The following PIEZO2 variants were observed in gnomAD, a reference collection of about 807,000 sequenced individuals.
PIEZO2 encodes the protein piezo-type mechanosensitive ion channel component 2.
PIEZO2 carries 172 observed loss-of-function variants against 337.3 expected under a neutral mutation model. That is an observed-to-expected ratio of 0.51 (90% CI 0.45 to 0.58). The LOEUF is 0.58. PIEZO2 is among the 20% of genes least tolerant of loss of function. The probability of loss-of-function intolerance (pLI) is 0.00; values close to 1 mark genes in which losing one functional copy is unlikely to be tolerated. For missense variants in PIEZO2, 3,028 were observed against 3,391.3 expected, an observed-to-expected ratio of 0.89 and a Z score of 2.66; for synonymous variants, 1,251 against 1,228.5, an observed-to-expected ratio of 1.02 and a Z score of -0.38.
chr18:10,905,872 C>T (rs2043163438), intron 4 of PIEZO2, among the ~76,000 whole-genome samples: 1 of 152,124 alleles, frequency 6.6e-6, no homozygotes, highest in South Asian at 2.1e-4. Context: ...CAGGCATTGC[C>T]CACGGCACCA....
At chr18:10,926,233 G>A (rs1181609673) in intron 3 of PIEZO2, among the ~76,000 whole-genome samples, 1 of 152,222 alleles carries the variant, frequency 6.6e-6, no homozygotes, top group African/African-American at 2.4e-5. Context: ...GGGTGTGCTG[G>A]AGGCGGTGGC....
intron 3 of PIEZO2, among the ~76,000 whole-genome samples, chr18:10,970,174 T>C (rs1447689882): frequency 6.6e-6 from 1 of 152,194 alleles, no homozygotes; most frequent in Non-Finnish European, 1.5e-5. Context: ...ACTCGGGTTA[T>C]CTGGAGGAAG....
intron 4 of PIEZO2, among the ~76,000 whole-genome samples, chr18:10,910,483 T>C (rs968895830): frequency 6.6e-6 from 1 of 152,010 alleles, no homozygotes; most frequent in African/African-American, 2.4e-5. Context: ...CTTGGGAGGC[T>C]GAGGCAAGAC....
rs969793067 is a variant in PIEZO2, at chr18:10,973,562, C to A, written c.286+5973G>T. On this transcript the variant is annotated intron_variant, in intron 3 of 55. Coordinates refer to ENST00000674853, the MANE Select transcript of PIEZO2 (RefSeq NM_001378183.1). This position sits in a 1 kb window ranked among gnomAD's most constrained non-coding sequence, Gnocchi z 4.9. ...ATAAATTAGACAATGGATTCCTAAT[C>A]TTTTGATGCACAGGTGGCCAGAAGT... Among the ~76,000 whole-genome samples, 1 of 152,218 alleles carries A rather than the reference C, an allele frequency of 6.6e-6. No individual in the cohort carries two copies. Among genetic ancestry groups the A allele is most frequent in the Non-Finnish European group, 1.5e-5 (1 of 68,044 alleles).
In PIEZO2 at chr18:10,762,941, A is replaced by G; in HGVS notation, c.3104T>C (p.Phe1035Ser). The G allele has an allele frequency of 6.5e-7, 1 of 1,537,240 alleles. No homozygotes were observed. Among genetic ancestry groups the G allele is most frequent in the South Asian group, 1.2e-5 (1 of 84,042 alleles). ...YQLQTIKPEN[F>S]SVNCSLPNEN... ...GCTCACCAAGGAACAGTTAACAGAG[A>G]AGTTCTCAGGCTTAATGGTTTGGAG... Residue 1035 changes from phenylalanine (F) to serine (S), a missense_variant, in exon 22 of 56, where the codon TTC (phenylalanine) becomes TCC (serine). Around this residue, in one of 5 missense-constraint regions of PIEZO2, gnomAD observed 1,925 missense variants for 2,051.9 expected, o/e 0.94. Transcript: ENST00000674853.
At chr18:11,042,249 G>A (rs965981971) in intron 2 of PIEZO2, among the ~76,000 whole-genome samples, 2 of 152,148 alleles carry the variant, frequency 1.3e-5, no homozygotes, top group African/African-American at 4.8e-5. Flanking sequence ...CTGAGATCTA[G>A]CCCTCGTCCC....
chr18:11,066,905 C>T lies in PIEZO2; in HGVS notation c.65-683G>A, dbSNP rs147283349. On this transcript the variant is annotated intron_variant, in intron 1 of 55. Transcript: ENST00000674853. ...GTGAGCCACCGCATCTGGCCTAGTG[C>T]AGACTTTTTATATATGATTAAAGTT... Among the ~76,000 whole-genome samples the T allele has an allele frequency of 4.3e-3, 658 of 152,300 alleles. 2 individuals are homozygous for T. The highest frequency in any genetic ancestry group is 6.4e-3 in the Non-Finnish European group (438 of 68,036).
intron 1 of PIEZO2, among the ~76,000 whole-genome samples, chr18:11,141,210 A>G (rs912892073): frequency 6.6e-6 from 1 of 152,214 alleles, no homozygotes; most frequent in African/African-American, 2.4e-5. Context: ...GGGGCCTTCT[A>G]TCAACTGGAG....
intron 1 of PIEZO2, among the ~76,000 whole-genome samples, chr18:11,121,571 A>C (rs567600359): frequency 6.6e-6 from 1 of 152,294 alleles, no homozygotes; most frequent in African/African-American, 2.4e-5. Context: ...GTTTTTAAAC[A>C]ATTTTAAAGC....
chr18:10,812,984 C>CTTT (rs5823122), intron 7 of PIEZO2, among the ~76,000 whole-genome samples: 11 of 146,348 alleles, frequency 7.5e-5, no homozygotes, highest in South Asian at 2.2e-4. Flanking sequence ...TTATTTTAAA[C>CTTT]TTTTTTTTTT....
At chr18:10,725,521 C>G in intron 36 of PIEZO2, 1 of 1,408,502 alleles carries the variant, frequency 7.1e-7, no homozygotes. Context: ...AGCTGGGAGT[C>G]GTGGGAAGGA....
chr18:10,752,777 G>A lies in PIEZO2; in HGVS notation c.4026C>T (p.Cys1342=), dbSNP rs1312306884. 2 of 1,537,076 alleles carry A rather than the reference G, an allele frequency of 1.3e-6. No individual in the cohort carries two copies. Among genetic ancestry groups the A allele is most frequent in the East Asian group, 2.4e-5 (1 of 40,938 alleles). Residue 1342 remains cysteine (C), a synonymous_variant, in exon 28 of 56, where the codon TGC becomes TGT. Transcript: ENST00000674853. ...AGAAACAGGCCACCAGGTACCCCAT[G>A]CAAAAGATGCTGATCCTGGTGGTCC... ...ITGTTRISIF[C]MGYLVACFYF... is the part of the protein sequence containing the mutation.
At position 10,759,782 on chromosome 18, in the gene PIEZO2, T is replaced by A. The variant is rs2143846832; in HGVS notation, c.3578A>T (p.Lys1193Met). Residue 1193 changes from lysine to methionine, a missense_variant, in exon 25 of 56, where the codon AAG (lysine) becomes ATG (methionine). Coordinates refer to ENST00000674853, the MANE Select transcript of PIEZO2 (RefSeq NM_001378183.1). The surrounding 1 kb of genome is among the most constrained non-coding windows in gnomAD (Gnocchi z 5.5). ...RRKAIAEIWP[K>M]YCCFLACIIT... ...GATGCATGCCAGGAAGCAGCAGTACTTGGGCCAGATCTCTGCGATGGCTTT... is the reference window on the plus strand; with the variant it reads ...GATGCATGCCAGGAAGCAGCAGTACATGGGCCAGATCTCTGCGATGGCTTT... 2.6e-6 allele frequency: 4 copies of A among 1,537,338 alleles called. No homozygotes were observed. The highest frequency in any genetic ancestry group is 1.7e-4 in the Middle Eastern group (1 of 5,990).
chr18:11,056,835 G>A (rs562289041), intron 2 of PIEZO2, among the ~76,000 whole-genome samples: 1 of 152,104 alleles, frequency 6.6e-6, no homozygotes, highest in African/African-American at 2.4e-5. Context: ...ACAAACCTAG[G>A]ATAGATGCTT....
In PIEZO2 at chr18:10,819,484, T is replaced by A. The variant is rs2040459008; in HGVS notation, c.918-12210A>T. ...ATTCCAAAGACTCAGCTATGAAGGA[T>A]GTGAAACTGCCTGTTTCTTTGATCA... is the stretch of plus-strand genomic sequence containing the variant. On this transcript the variant is annotated intron_variant, in intron 7 of 55. Transcript: ENST00000674853. The surrounding 1 kb of genome is among the most constrained non-coding windows in gnomAD (Gnocchi z 4.3). 6.6e-6 allele frequency among the ~76,000 whole-genome samples: 1 copy of A among 152,228 alleles called. No homozygotes were observed. The highest frequency in any genetic ancestry group is 1.5e-5 in the Non-Finnish European group (1 of 68,032).
rs560393980 is a variant in PIEZO2 at position 10,864,022 on chromosome 18, T to G, written c.493-6811A>C. On this transcript the variant is annotated intron_variant, in intron 5 of 55. Coordinates refer to ENST00000674853, the MANE Select transcript of PIEZO2 (RefSeq NM_001378183.1). Reference sequence around the variant, plus strand: ...GGTATTCACTCCAAAAATAAAAAATTTATACAGTGATGACAAAGGCAGCAT... The same window carrying G: ...GGTATTCACTCCAAAAATAAAAAATGTATACAGTGATGACAAAGGCAGCAT... Among the ~76,000 whole-genome samples, 6 of 152,248 alleles carry G rather than the reference T, an allele frequency of 3.9e-5. No individual in the cohort carries two copies. The East Asian group carries it at 9.6e-4, about 24-fold the overall frequency.
chr18:11,093,656 G>A (rs796875949), intron 1 of PIEZO2, among the ~76,000 whole-genome samples: 89 of 144,026 alleles, frequency 6.2e-4, no homozygotes, highest in African/African-American at 2.1e-3. Context: ...GCGCAATCTC[G>A]GCTCACTGCA....
chr18:10,727,041 T>C lies in PIEZO2; in HGVS notation c.5029+4366A>G, dbSNP rs766516738. 1 of 625,882 alleles carries C rather than the reference T, an allele frequency of 1.6e-6. No homozygotes were observed. Among genetic ancestry groups the C allele is most frequent in the Non-Finnish European group, 2.6e-6 (1 of 384,514 alleles). 38.8% of individuals were successfully genotyped at this position (625,882 alleles called of 1,614,324 possible). On this transcript the variant is annotated intron_variant, in intron 36 of 55. Coordinates refer to ENST00000674853, the MANE Select transcript of PIEZO2 (RefSeq NM_001378183.1). The surrounding 1 kb of genome is among the most constrained non-coding windows in gnomAD (Gnocchi z 6.3). ...TGTGCTTCCACGGTCTGGGTGTTTCTTGGGGGGTGTTGGGAGGGCAGGAGC... is the reference window on the plus strand; with the variant it reads ...TGTGCTTCCACGGTCTGGGTGTTTCCTGGGGGGTGTTGGGAGGGCAGGAGC...
intron 7 of PIEZO2, among the ~76,000 whole-genome samples, chr18:10,807,783 A>G (rs1365035708): frequency 1.5e-5 from 2 of 135,602 alleles, no homozygotes; most frequent in Non-Finnish European, 3.2e-5. Flanking sequence ...TCAAATATAC[A>G]GTAAAATTTC....
Sources: allele counts gnomAD v4.1 joint callset (sites outside exome capture counted in the v4.1 genomes callset), GRCh38; gene constraint gnomAD v4.1.1; regional missense constraint gnomAD v4.1.1; non-coding constraint Gnocchi (gnomAD v3.1); transcripts MANE v1.5; gene names NCBI Gene and HGNC (gene_info 2026-07-23, HGNC 2026-07-21).